Variants in NME7 observed in about 807,000 individuals in gnomAD.
NME7 encodes the protein NME/NM23 family member 7, also known as nucleoside diphosphate kinase 7.
In NME7, 41 loss-of-function variants were observed where a neutral mutation model predicts 49.1. The ratio of observed to expected loss-of-function variants is 0.83; its 90% CI spans 0.65 to 1.08. The LOEUF is 1.08. Ranked by LOEUF, NME7 falls within the 50% of genes least tolerant of loss-of-function variation. NME7 has a pLI of 0.00. For missense variants in NME7, 423 were observed against 463.4 expected, an observed-to-expected ratio of 0.91 and a Z score of 0.80; for synonymous variants, 139 against 150.6, an observed-to-expected ratio of 0.92 and a Z score of 0.56.
chr1:169,244,290 G>A (rs1466989752), intron 7 of NME7, among the ~76,000 whole-genome samples: 1 of 152,046 alleles, frequency 6.6e-6, no homozygotes, highest in African/African-American at 2.4e-5. Context: ...TCACTTTATT[G>A]TTTATTAATA....
chr1:169,256,121 A>T (rs12027561), intron 7 of NME7, among the ~76,000 whole-genome samples: 18,622 of 131,926 alleles, frequency 0.14, 4,505 homozygotes, highest in Admixed American at 0.15. Flanking sequence ...GCCTTGCTAG[A>T]TTGGGGAAGT....
intron 10 of NME7, among the ~76,000 whole-genome samples, chr1:169,185,099 T>C (rs765109648): frequency 1.3e-5 from 2 of 152,150 alleles, no homozygotes; most frequent in African/African-American, 4.8e-5. Flanking sequence ...CTTCTTTCCA[T>C]TCTGAACTAA....
intron 1 of NME7, among the ~76,000 whole-genome samples, chr1:169,362,644 C>T (rs1653701539): frequency 6.6e-6 from 1 of 152,184 alleles, no homozygotes; most frequent in South Asian, 2.1e-4. Flanking sequence ...AAACAACCTC[C>T]ATCTTCAGCT....
chr1:169,353,128 T>C (rs973639116), intron 1 of NME7, among the ~76,000 whole-genome samples: 1 of 152,012 alleles, frequency 6.6e-6, no homozygotes, highest in African/African-American at 2.4e-5. Context: ...AAAATCACAC[T>C]ATCTGACTTC....
At chr1:169,317,068 C>A (rs1159379057) in intron 3 of NME7, among the ~76,000 whole-genome samples, 1 of 151,798 alleles carries the variant, frequency 6.6e-6, no homozygotes, top group African/African-American at 2.4e-5. Context: ...CAGCATATTT[C>A]AATGTACATG....
chr1:169,239,639 T>C (rs915180626), intron 7 of NME7, among the ~76,000 whole-genome samples: 1 of 151,910 alleles, frequency 6.6e-6, no homozygotes, highest in African/African-American at 2.4e-5. Flanking sequence ...ACAAAATTAG[T>C]GACATGGGAT....
intron 10 of NME7, among the ~76,000 whole-genome samples, chr1:169,229,324 T>C (rs188241832): frequency 7.2e-5 from 11 of 152,326 alleles, no homozygotes; most frequent in Admixed American, 3.3e-4. Flanking sequence ...AATTCCTTCA[T>C]TGGTGTTTTT....
intron 11 of NME7, among the ~76,000 whole-genome samples, 185 bp from the exon 12 acceptor site, chr1:169,133,002 AATC>A (rs1389196837): frequency 2.0e-5 from 3 of 152,234 alleles, no homozygotes; most frequent in African/African-American, 7.2e-5. Flanking sequence ...CATTTAAAAA[AATC>A]ATCTTGCAGT....
intron 3 of NME7, among the ~76,000 whole-genome samples, chr1:169,321,836 T>C (rs1476276454): frequency 6.6e-6 from 1 of 151,982 alleles, no homozygotes; most frequent in Admixed American, 6.6e-5. Flanking sequence ...TTGATTGATT[T>C]GTTTTCCCTA....
At chr1:169,314,619 T>TA (rs869269635) in intron 3 of NME7, among the ~76,000 whole-genome samples, 8 of 152,030 alleles carry the variant, frequency 5.3e-5, no homozygotes, top group Non-Finnish European at 1.0e-4. Flanking sequence ...ACTGTATTTA[T>TA]AAAAAAATTT....
chr1:169,235,816 A>G (rs978966157), intron 8 of NME7, among the ~76,000 whole-genome samples: 5 of 152,126 alleles, frequency 3.3e-5, no homozygotes, highest in African/African-American at 1.2e-4. Context: ...CTACTCTTCA[A>G]AAAGAACTGT....
chr1:169,336,314 A>AGCTTCCACAGTGTGGAAGGGGACCTTC (rs1388824130), intron 1 of NME7, among the ~76,000 whole-genome samples: 87 of 151,824 alleles, frequency 5.7e-4, no homozygotes, highest in Middle Eastern at 3.4e-3. Flanking sequence ...GAAAGAACAA[A>AGCTTCCACAGTGTGGAAGGGGACCTTC]GCTTCCACAG....
chr1:169,198,187 TA>T (rs1238319798), intron 10 of NME7, among the ~76,000 whole-genome samples: 1 of 151,966 alleles, frequency 6.6e-6, no homozygotes, highest in East Asian at 1.9e-4. Flanking sequence ...TGGCTAGAAT[TA>T]AAAAGTCATA....
intron 10 of NME7, among the ~76,000 whole-genome samples, chr1:169,172,640 A>C (rs138635587): frequency 6.6e-6 from 1 of 152,214 alleles, no homozygotes; most frequent in Non-Finnish European, 1.5e-5. Flanking sequence ...AAAATCTTTG[A>C]AGGCTCATAA....
intron 1 of NME7, among the ~76,000 whole-genome samples, chr1:169,352,838 A>C (rs1653227360): frequency 6.6e-6 from 1 of 152,050 alleles, no homozygotes; most frequent in Non-Finnish European, 1.5e-5. Context: ...AATACATAGG[A>C]ATTAACAAAA....
chr1:169,151,585 G>C (rs911759859), intron 11 of NME7, among the ~76,000 whole-genome samples: 5 of 152,142 alleles, frequency 3.3e-5, no homozygotes, highest in Admixed American at 2.6e-4. Context: ...TCCCCCCCAG[G>C]CTGTCCAGCC....
chr1:169,335,717 T>TTAAATAAA (rs202077653), intron 1 of NME7, among the ~76,000 whole-genome samples: 14 of 147,110 alleles, frequency 9.5e-5, no homozygotes, highest in Non-Finnish European at 1.5e-4. Context: ...TTTATATATA[T>TTAAATAAA]TAAATAAATA....
chr1:169,331,963 A>G (rs377268878), intron 1 of NME7, among the ~76,000 whole-genome samples: 1 of 152,140 alleles, frequency 6.6e-6, no homozygotes, highest in East Asian at 1.9e-4. Context: ...GAAATAGAAA[A>G]AACAATTCTA....
At chr1:169,177,607 C>T (rs1210370971) in intron 10 of NME7, among the ~76,000 whole-genome samples, 1 of 152,026 alleles carries the variant, frequency 6.6e-6, no homozygotes, top group Non-Finnish European at 1.5e-5. Context: ...GCCAACACAG[C>T]AAGACCCTGT....
Sources: gnomAD v4.1 joint callset for allele counts (sites outside exome capture counted in the v4.1 genomes callset) on GRCh38, gnomAD v4.1.1 for gene constraint, MANE v1.5 for transcripts, NCBI Gene and HGNC (gene_info 2026-07-23, HGNC 2026-07-21) for gene names.